Variants in VPS13A observed in about 807,000 individuals in gnomAD.
VPS13A encodes intermembrane lipid transfer protein VPS13A.
VPS13A carries 264 observed loss-of-function variants against 390.9 expected under a neutral mutation model. The observed-to-expected ratio is 0.68, with a 90% CI of 0.61 to 0.75. VPS13A has a LOEUF of 0.75. Among genes scored for constraint, VPS13A ranks in the 30% least tolerant of loss-of-function variants. The pLI is 0.00. For synonymous variants in VPS13A, 1,231 were observed against 1,227.1 expected, an observed-to-expected ratio of 1.00 and a Z score of -0.07; for missense variants, 3,409 against 3,733.9, an observed-to-expected ratio of 0.91 and a Z score of 2.27.
intron 68 of VPS13A, among the ~76,000 whole-genome samples, chr9:77,401,330 TGTGTGTGTGTG>T (rs1312167440): frequency 1.9e-3 from 8 of 4,136 alleles, no homozygotes; most frequent in East Asian, 7.6e-3. Context: ...CACATGAAGT[TGTGTGTGTGTG>T]TGTGTGTGTG....
intron 45 of VPS13A, among the ~76,000 whole-genome samples, chr9:77,325,800 A>G (rs1015622876): frequency 6.6e-6 from 1 of 152,150 alleles, no homozygotes; most frequent in Admixed American, 6.5e-5. Context: ...ACATTCGTAT[A>G]ATTATGTTCA....
intron 68 of VPS13A, among the ~76,000 whole-genome samples, chr9:77,387,403 A>G: frequency 6.6e-6 from 1 of 152,194 alleles, no homozygotes; most frequent in Admixed American, 6.5e-5. Flanking sequence ...CTTTAACTTC[A>G]TTTATGTTCC....
chr9:77,190,249 T>C (rs539975797), intron 1 of VPS13A, among the ~76,000 whole-genome samples: 3 of 152,340 alleles, frequency 2.0e-5, no homozygotes, highest in Non-Finnish European at 4.4e-5. Flanking sequence ...ATGGCTCTTA[T>C]TATTTCCAGG....
intron 2 of VPS13A, 53 bp downstream of exon 2, chr9:77,200,041 A>G: frequency 1.4e-6 from 2 of 1,385,304 alleles, no homozygotes; most frequent in Non-Finnish European, 2.0e-6. Context: ...ATTATGTATA[A>G]TTCTTCCTGA....
intron 67 of VPS13A, among the ~76,000 whole-genome samples, chr9:77,379,233 C>CAGCT (rs1833292581): frequency 1.3e-5 from 2 of 149,460 alleles, no homozygotes; most frequent in East Asian, 4.0e-4. Flanking sequence ...CCACCATACC[C>CAGCT]AGCTAATTTT....
At chr9:77,321,825 AATC>A (rs1829766112) in intron 44 of VPS13A, 79 bp downstream of exon 44, 6 of 1,534,312 alleles carry the variant, frequency 3.9e-6, no homozygotes, top group Non-Finnish European at 5.3e-6. Flanking sequence ...TCTTTTGTAG[AATC>A]TTAGCAAGGT....
At chr9:77,404,344 CTA>C (rs2131649913) in intron 69 of VPS13A, among the ~76,000 whole-genome samples, 1 of 152,182 alleles carries the variant, frequency 6.6e-6, no homozygotes, top group African/African-American at 2.4e-5. Context: ...CACTTGAGAT[CTA>C]TATTTTGAAG....
At chr9:77,384,542 C>T (rs769745157) in intron 68 of VPS13A, 4 of 1,610,170 alleles carry the variant, frequency 2.5e-6, no homozygotes, top group Admixed American at 3.3e-5. Flanking sequence ...TTGCCATACT[C>T]TACTAACCTT....
At chr9:77,267,064 A>C (rs948789344) in intron 23 of VPS13A, among the ~76,000 whole-genome samples, 4 of 151,946 alleles carry the variant, frequency 2.6e-5, no homozygotes, top group African/African-American at 4.8e-5. Flanking sequence ...CATTTCCTCT[A>C]ACCTTTTTTC....
At chr9:77,344,916 T>G in intron 51 of VPS13A, 93 bp from the exon 52 acceptor site, 1 of 1,410,122 alleles carries the variant, frequency 7.1e-7, no homozygotes, top group Non-Finnish European at 9.8e-7. Context: ...AAAATTAAAT[T>G]ATCAAGTTAT....
chr9:77,186,277 A>G (rs996657303), intron 1 of VPS13A, among the ~76,000 whole-genome samples: 2 of 152,300 alleles, frequency 1.3e-5, no homozygotes, highest in East Asian at 3.9e-4. Flanking sequence ...TAATAATCCA[A>G]TGCATTGCTG....
At chr9:77,304,610 G>A (rs1208706923) in intron 34 of VPS13A, among the ~76,000 whole-genome samples, 2 of 152,156 alleles carry the variant, frequency 1.3e-5, no homozygotes, top group African/African-American at 4.8e-5. Flanking sequence ...CTATACAAAG[G>A]AAGAGAAAGT....
At chr9:77,186,042 C>T (rs1463772724) in intron 1 of VPS13A, among the ~76,000 whole-genome samples, 1 of 152,186 alleles carries the variant, frequency 6.6e-6, no homozygotes, top group Admixed American at 6.6e-5. Flanking sequence ...GTATGAGAAT[C>T]TCTTGAACTG....
At chr9:77,400,927 T>C (rs1411778280) in intron 68 of VPS13A, among the ~76,000 whole-genome samples, 2 of 152,116 alleles carry the variant, frequency 1.3e-5, no homozygotes, top group Non-Finnish European at 2.9e-5. Flanking sequence ...TGATAGGGTA[T>C]ATAGAGAGAA....
intron 35 of VPS13A, among the ~76,000 whole-genome samples, chr9:77,309,942 T>C (rs1479560841): frequency 6.6e-6 from 1 of 152,172 alleles, no homozygotes; most frequent in African/African-American, 2.4e-5. Flanking sequence ...TTTTTGTTGT[T>C]TTTTATTTAT....
intron 71 of VPS13A, among the ~76,000 whole-genome samples, chr9:77,414,922 C>G (rs935094609): frequency 6.6e-6 from 1 of 152,058 alleles, no homozygotes; most frequent in African/African-American, 2.4e-5. Context: ...ACATCTGAAC[C>G]CAAACTAGGG....
intron 1 of VPS13A, among the ~76,000 whole-genome samples, chr9:77,191,295 CT>C (rs200313087): frequency 2.1e-3 from 289 of 134,508 alleles, no homozygotes; most frequent in African/African-American, 3.1e-3. Context: ...TTTTCTTCTT[CT>C]TTTTTTTTTT....
intron 44 of VPS13A, 85 bp from the exon 45 acceptor site, chr9:77,322,982 T>G: frequency 9.2e-7 from 1 of 1,083,394 alleles, no homozygotes; most frequent in Non-Finnish European, 1.3e-6. Flanking sequence ...TTAAGAATCA[T>G]CTGAAATTTC....
At chr9:77,390,966 T>C (rs1379787937) in intron 68 of VPS13A, among the ~76,000 whole-genome samples, 1 of 152,218 alleles carries the variant, frequency 6.6e-6, no homozygotes, top group East Asian at 1.9e-4. Context: ...GCTACTGTAA[T>C]AGAAAATTCA....
Sources: gnomAD v4.1 joint callset for allele counts (sites outside exome capture counted in the v4.1 genomes callset) on GRCh38, gnomAD v4.1.1 for gene constraint, MANE v1.5 for transcripts, NCBI Gene and HGNC (gene_info 2026-07-23, HGNC 2026-07-21) for gene names.